TRPC5: variants seen among roughly 807,000 people sequenced by gnomAD.
The protein encoded by TRPC5 is transient receptor potential cation channel subfamily C member 5.
Under a neutral mutation model 56.5 loss-of-function variants are expected in TRPC5, and 9 were observed. The ratio of observed to expected loss-of-function variants is 0.16; its 90% CI spans 0.10 to 0.28. The LOEUF is 0.28. TRPC5 is among the 10% of genes least tolerant of loss of function. The pLI, the probability that TRPC5 is intolerant of heterozygous loss-of-function variation, is 1.00. For missense variants in TRPC5, 469 were observed against 748.9 expected, an observed-to-expected ratio of 0.63 and a Z score of 4.36; for synonymous variants, 282 against 278.5, an observed-to-expected ratio of 1.01 and a Z score of -0.13.
chrX:112,008,936 T>A (rs1224869200), intron 1 of TRPC5, among the ~76,000 whole-genome samples: 4 of 111,757 alleles, frequency 3.6e-5, no homozygotes, highest in Non-Finnish European at 1.9e-5. Flanking sequence ...TCTGAGAGGA[T>A]CTGCCTGTCA....
chrX:111,820,087 A>G (rs62612005), intron 7 of TRPC5, among the ~76,000 whole-genome samples: 7,821 of 112,043 alleles, frequency 0.07, 294 homozygotes, highest in Middle Eastern at 0.14. Flanking sequence ...TTTTCTTTCC[A>G]TTAGATAATA....
At chrX:112,048,074 T>C (rs1243261867) in intron 1 of TRPC5, among the ~76,000 whole-genome samples, 1 of 111,500 alleles carries the variant, frequency 9.0e-6, no homozygotes, top group Non-Finnish European at 1.9e-5. Context: ...GCCAATGCTG[T>C]TTGTAGTTGG....
At chrX:111,820,636 C>A (rs911759304) in intron 7 of TRPC5, among the ~76,000 whole-genome samples, 72 of 111,846 alleles carry the variant, frequency 6.4e-4, no homozygotes, top group African/African-American at 2.0e-3. Flanking sequence ...ACAGAGTCCA[C>A]AAAACCTAAG....
At chrX:112,059,739 T>C (rs1930420115) in intron 1 of TRPC5, among the ~76,000 whole-genome samples, 1 of 112,281 alleles carries the variant, frequency 8.9e-6, no homozygotes, top group South Asian at 3.7e-4. Flanking sequence ...GCATCAGCTC[T>C]ATAGTCTCCA....
chrX:111,841,781 G>T, intron 6 of TRPC5, among the ~76,000 whole-genome samples: 1 of 110,979 alleles, frequency 9.0e-6, no homozygotes. Context: ...CACAATCTCA[G>T]CTCACTGCAA....
Position 111,818,989 on chromosome X carries a change from G to A in TRPC5, c.1896+15932C>T, listed in dbSNP as rs1921949981. On this transcript the variant is annotated intron_variant, in intron 7 of 10. Transcript: ENST00000262839. The stretch of plus-strand genomic sequence containing the variant: ...TTCCATTTTATAGATTGGGAAACAG[G>A]CTCACCAAAGTGAAAAAATTTGTCT... Among the ~76,000 whole-genome samples, 14 of 111,799 alleles carry A rather than the reference G, an allele frequency of 1.3e-4. No homozygotes were observed. The Admixed American group carries it at 1.3e-3, about 11-fold the overall frequency.
chrX:112,058,674 C>G (rs1488462895), intron 1 of TRPC5, among the ~76,000 whole-genome samples: 1 of 112,198 alleles, frequency 8.9e-6, no homozygotes, highest in East Asian at 2.8e-4. Context: ...TCCCATTTTA[C>G]AGAGGATACT....
intron 1 of TRPC5, among the ~76,000 whole-genome samples, chrX:112,012,896 C>T (rs763354949): frequency 1.4e-4 from 16 of 111,718 alleles, no homozygotes; most frequent in Non-Finnish European, 2.4e-4. Flanking sequence ...TTCCCAGCTA[C>T]TCCAAACAAC....
At chrX:111,959,644 G>A (rs1927322838) in intron 1 of TRPC5, among the ~76,000 whole-genome samples, 1 of 111,706 alleles carries the variant, frequency 9.0e-6, no homozygotes, top group Non-Finnish European at 1.9e-5. Flanking sequence ...TTTCTTTGGG[G>A]TGGGGGACAT....
intron 1 of TRPC5, among the ~76,000 whole-genome samples, chrX:111,983,334 C>A (rs778441427): frequency 9.0e-6 from 1 of 111,493 alleles, no homozygotes; most frequent in Non-Finnish European, 1.9e-5. Context: ...TGACCACTTT[C>A]TTCATAAACC....
At chrX:111,932,054 A>T (rs1926431035) in intron 2 of TRPC5, among the ~76,000 whole-genome samples, 1 of 111,651 alleles carries the variant, frequency 9.0e-6, no homozygotes, top group African/African-American at 3.3e-5. Context: ...TTGGCTGCAA[A>T]GGGAGGAGTG....
rs780056943 is a variant in TRPC5 at position 111,952,141 on chromosome X, C to T, written c.280G>A (p.Val94Met). 2 of 1,212,335 alleles carry T rather than the reference C, an allele frequency of 1.6e-6. No homozygotes were observed. Among genetic ancestry groups the T allele is most frequent in the Non-Finnish European group, 2.2e-6 (2 of 895,647 alleles). ...EIMELLLNHS[V>M]YVGDALLYAI... ...TAGAGCAATGCATCACCCACATACA[C>T]GCTGTGGTTCAGCAGTAGCTCCATG... Residue 94 changes from valine (V) to methionine (M), a missense_variant, in exon 2 of 11, where the codon GTG becomes ATG. Val to Met is a conservative substitution (Grantham distance 21). This residue lies in a region of TRPC5 where 118 missense variants were observed against 167.1 expected (regional missense o/e 0.71). Transcript: ENST00000262839.
intron 2 of TRPC5, among the ~76,000 whole-genome samples, chrX:111,950,367 G>T (rs1415083570): frequency 9.0e-6 from 1 of 111,467 alleles, no homozygotes; most frequent in Non-Finnish European, 1.9e-5. Flanking sequence ...CAGCAACCTG[G>T]ATGAGACTGG....
intron 7 of TRPC5, among the ~76,000 whole-genome samples, chrX:111,789,002 T>C (rs1461571584): frequency 1.8e-5 from 2 of 111,938 alleles, no homozygotes; most frequent in African/African-American, 3.3e-5. Context: ...AAGTAATTTA[T>C]AGATTCAATG....
intron 7 of TRPC5, among the ~76,000 whole-genome samples, chrX:111,786,174 A>G (rs1198085111): frequency 1.8e-5 from 2 of 111,548 alleles, no homozygotes; most frequent in Non-Finnish European, 3.8e-5. Context: ...AGGAAGGTCG[A>G]GTTACCCACA....
chrX:111,844,382 G>A (rs1782133384), intron 6 of TRPC5, among the ~76,000 whole-genome samples: 1 of 111,239 alleles, frequency 9.0e-6, no homozygotes, highest in African/African-American at 3.3e-5. Flanking sequence ...TCATGTGGTT[G>A]TCAGCAAGGA....
chrX:111,955,820 C>G lies in TRPC5; in HGVS notation c.-21-3379G>C, dbSNP rs149655607. Among the ~76,000 whole-genome samples the G allele has an allele frequency of 7.5e-3, 839 of 112,209 alleles. 8 individuals are homozygous for G. The highest frequency in any genetic ancestry group is 0.026 in the African/African-American group (801 of 30,888). On this transcript the variant is annotated intron_variant, in intron 1 of 10. Transcript: ENST00000262839. ...ATTTGGAAGGTTTTTCCCCATGACC[C>G]TTTACCTTTATACTTGGCAGATGCA...
chrX:111,842,073 CTATCTATG>C (rs1337727435), intron 6 of TRPC5, among the ~76,000 whole-genome samples: 2 of 96,319 alleles, frequency 2.1e-5, no homozygotes, highest in Admixed American at 1.1e-4. Context: ...ATCTATCTAT[CTATCTATG>C]TGTGTGTGTA....
At chrX:112,071,599 A>T (rs992630522) in intron 1 of TRPC5, among the ~76,000 whole-genome samples, 2 of 112,375 alleles carry the variant, frequency 1.8e-5, no homozygotes, top group Admixed American at 1.9e-4. Context: ...CCATTGTAGT[A>T]GGAAAGCTGT....
Sources: allele counts gnomAD v4.1 joint callset (sites outside exome capture counted in the v4.1 genomes callset), GRCh38; gene constraint gnomAD v4.1.1; regional missense constraint gnomAD v4.1.1; transcripts MANE v1.5; gene names NCBI Gene and HGNC (gene_info 2026-07-23, HGNC 2026-07-21).